Variants in ADAMTS2 observed in about 807,000 individuals in gnomAD.
ADAMTS2 encodes the protein ADAM metallopeptidase with thrombospondin type 1 motif 2, also known as A disintegrin and metalloproteinase with thrombospondin motifs 2.
In ADAMTS2, 50 loss-of-function variants were observed where a neutral mutation model predicts 123.0. The observed-to-expected ratio is 0.41, with a 90% CI of 0.32 to 0.51. The LOEUF (loss-of-function observed/expected upper bound fraction) is 0.51, where lower values mean the gene tolerates loss of function less well. ADAMTS2 is among the 20% of genes least tolerant of loss of function. The pLI, the probability that ADAMTS2 is intolerant of heterozygous loss-of-function variation, is 0.35. For synonymous variants in ADAMTS2, 678 were observed against 695.4 expected, an observed-to-expected ratio of 0.98 and a Z score of 0.39; for missense variants, 1,494 against 1,705.2, an observed-to-expected ratio of 0.88 and a Z score of 2.18.
intron 4 of ADAMTS2, among the ~76,000 whole-genome samples, chr5:179,183,534 C>T (rs1256922838): frequency 1.3e-5 from 2 of 152,232 alleles, no homozygotes; most frequent in Non-Finnish European, 2.9e-5. Flanking sequence ...GAGTGGCTTC[C>T]AGGGCCCAAC....
At chr5:179,196,378 G>A (rs191359630) in intron 4 of ADAMTS2, among the ~76,000 whole-genome samples, 37 of 152,278 alleles carry the variant, frequency 2.4e-4, no homozygotes, top group East Asian at 9.6e-4. Context: ...GCCTAGGAGC[G>A]TGTCTGCCCT....
At chr5:179,139,271 T>A (rs1763119591) in intron 11 of ADAMTS2, among the ~76,000 whole-genome samples, 1 of 150,522 alleles carries the variant, frequency 6.6e-6, no homozygotes, top group South Asian at 2.1e-4. Context: ...AGGGTGTGGA[T>A]GAGAAAGTGG....
intron 3 of ADAMTS2, among the ~76,000 whole-genome samples, chr5:179,251,805 C>T (rs577866427): frequency 5.9e-5 from 9 of 151,978 alleles, no homozygotes; most frequent in Non-Finnish European, 1.3e-4. Context: ...GCAGAAGCAG[C>T]TCTGGGAGGA....
At position 179,124,628 on chromosome 5, in the gene ADAMTS2, G is replaced by A. The variant is rs533470962; in HGVS notation, c.2958+345C>T. ...TGACCACGTGGCAGCCACTGGCGCC[G>A]TGAAACCCACAGGATGTGGCTCAGG... is the stretch of plus-strand genomic sequence containing the variant. On this transcript the variant is annotated intron_variant, in intron 19 of 21. Transcript: ENST00000251582. Among the ~76,000 whole-genome samples, 15 of 152,350 alleles carry A rather than the reference G, an allele frequency of 9.8e-5. No individual in the cohort carries two copies. In the South Asian group the frequency reaches 1.2e-3, roughly 13 times the overall value.
chr5:179,185,137 G>A lies in ADAMTS2; in HGVS notation c.892-3982C>T, dbSNP rs368923821. Among the ~76,000 whole-genome samples, 13 of 152,282 alleles carry A rather than the reference G, an allele frequency of 8.5e-5. No individual in the cohort carries two copies. The South Asian group carries it at 2.5e-3, about 29-fold the overall frequency. On this transcript the variant is annotated intron_variant, in intron 4 of 21. Coordinates refer to ENST00000251582, the MANE Select transcript of ADAMTS2 (RefSeq NM_014244.5). This position sits in a 1 kb window ranked among gnomAD's most constrained non-coding sequence, Gnocchi z 5.9. ...AGAGGAGGTGGGAGGGGAGCACTGA[G>A]GCCAGACCACGAAGTCAGGAGAAGG...
In ADAMTS2 at chr5:179,205,566, C is replaced by T. The variant is rs866153578; in HGVS notation, c.891+1947G>A. Among the ~76,000 whole-genome samples the T allele has an allele frequency of 1.2e-4, 19 of 152,272 alleles. No individual in the cohort carries two copies. The South Asian group carries it at 1.9e-3, about 15-fold the overall frequency. ...GTAATTCCAAGCCCAGTCCTTTCCCCGCTGGGTTGGAAGGCGACATAATGC... is the reference window on the plus strand; with the variant it reads ...GTAATTCCAAGCCCAGTCCTTTCCCTGCTGGGTTGGAAGGCGACATAATGC... On this transcript the variant is annotated intron_variant, in intron 4 of 21. Transcript: ENST00000251582.
chr5:179,239,774 C>T (rs575100917), intron 3 of ADAMTS2, among the ~76,000 whole-genome samples: 2 of 151,924 alleles, frequency 1.3e-5, no homozygotes, highest in African/African-American at 2.4e-5. Context: ...CCAGAGGGTG[C>T]GGGAAGAGGA....
At chr5:179,321,574 T>C (rs1178621783) in intron 2 of ADAMTS2, among the ~76,000 whole-genome samples, 2 of 152,180 alleles carry the variant, frequency 1.3e-5, no homozygotes, top group Non-Finnish European at 2.9e-5. Context: ...TGTCTGCACA[T>C]GGTGGGGGGC....
At chr5:179,123,946 C>T (rs568697653) in intron 19 of ADAMTS2, among the ~76,000 whole-genome samples, 8 of 152,338 alleles carry the variant, frequency 5.3e-5, no homozygotes, top group East Asian at 3.9e-4. Context: ...AAACCCTGGA[C>T]GCCCAGGCTC....
Position 179,307,211 on chromosome 5 carries a change from T to TGCTGTGCTCCGCCATCTGCCCC in ADAMTS2, c.535-34169_535-34148dup, listed in dbSNP as rs1482637491. Among the ~76,000 whole-genome samples the TGCTGTGCTCCGCCATCTGCCCC allele has an allele frequency of 5.3e-5, 8 of 152,310 alleles. No homozygotes were observed. The South Asian group carries it at 1.7e-3, about 32-fold the overall frequency. On this transcript the variant is annotated intron_variant, in intron 2 of 21. Coordinates refer to ENST00000251582, the MANE Select transcript of ADAMTS2 (RefSeq NM_014244.5). The surrounding 1 kb of genome is among the most constrained non-coding windows in gnomAD (Gnocchi z 5.6). Reference sequence around the variant, plus strand: ...TGCCCCGGCCCACGCGCCCCTGCCCTGCTGTGCTCCGCCATCTGCCCCAGC... The same window carrying TGCTGTGCTCCGCCATCTGCCCC: ...TGCCCCGGCCCACGCGCCCCTGCCCTGCTGTGCTCCGCCATCTGCCCCGCTGTGCTCCGCCATCTGCCCCAGC...
At chr5:179,301,032 G>T (rs1032878790) in intron 2 of ADAMTS2, among the ~76,000 whole-genome samples, 1 of 152,032 alleles carries the variant, frequency 6.6e-6, no homozygotes, top group Non-Finnish European at 1.5e-5. Flanking sequence ...CCCCCTCCTG[G>T]CCTCAGTGAA....
intron 2 of ADAMTS2, among the ~76,000 whole-genome samples, chr5:179,335,659 A>T (rs1344254633): frequency 6.6e-6 from 1 of 152,254 alleles, no homozygotes; most frequent in Non-Finnish European, 1.5e-5. Flanking sequence ...ATGTAAATAC[A>T]TACCAATATG....
intron 2 of ADAMTS2, among the ~76,000 whole-genome samples, chr5:179,296,276 C>A (rs1280176428): frequency 6.6e-6 from 1 of 151,962 alleles, no homozygotes; most frequent in Admixed American, 6.5e-5. Context: ...TGATGGGACC[C>A]GGGAGCAGCC....
chr5:179,334,708 C>T (rs1269503701), intron 2 of ADAMTS2, among the ~76,000 whole-genome samples: 2 of 152,082 alleles, frequency 1.3e-5, no homozygotes, highest in African/African-American at 4.8e-5. Context: ...CCAAGGGACT[C>T]CACAAAGATA....
intron 2 of ADAMTS2, among the ~76,000 whole-genome samples, chr5:179,324,335 G>A (rs1462743790): frequency 2.6e-5 from 4 of 151,828 alleles, no homozygotes; most frequent in Non-Finnish European, 5.9e-5. Flanking sequence ...AAATGTGTAA[G>A]GTATAATAAT....
At chr5:179,232,991 G>A (rs1765443572) in intron 3 of ADAMTS2, among the ~76,000 whole-genome samples, 1 of 152,180 alleles carries the variant, frequency 6.6e-6, no homozygotes, top group African/African-American at 2.4e-5. Flanking sequence ...ACGACCATGA[G>A]CATCTGTGTC....
At position 179,130,267 on chromosome 5, in the gene ADAMTS2, C is replaced by T. The variant is rs1762935106; in HGVS notation, c.2291-169G>A. Among the ~76,000 whole-genome samples, 1 of 152,166 alleles carries T rather than the reference C, an allele frequency of 6.6e-6. No homozygotes were observed. On this transcript the variant is annotated intron_variant, in intron 15 of 21. Transcript: ENST00000251582. The surrounding 1 kb of genome is among the most constrained non-coding windows in gnomAD (Gnocchi z 4.3). ...CGACAGCCCAGATGGCTCTGGGAGC[C>T]CTGCTTGCCCATCACTGCTCCCTCG...
chr5:179,233,589 G>C lies in ADAMTS2; in HGVS notation c.689-25874C>G, dbSNP rs186271714. Reference sequence around the variant, plus strand: ...GTAATCCCAGCTACTCGGGAGGCTGGAGGCAGGAGAATCGCTTGAACCCGG... The same window carrying C: ...GTAATCCCAGCTACTCGGGAGGCTGCAGGCAGGAGAATCGCTTGAACCCGG... On this transcript the variant is annotated intron_variant, in intron 3 of 21. Coordinates refer to ENST00000251582, the MANE Select transcript of ADAMTS2 (RefSeq NM_014244.5). Among the ~76,000 whole-genome samples the C allele has an allele frequency of 3.7e-3, 559 of 152,286 alleles. 1 individual carries two copies. The highest frequency in any genetic ancestry group is 6.3e-3 in the Non-Finnish European group (430 of 68,004).
At chr5:179,201,364 A>G (rs758869669) in intron 4 of ADAMTS2, among the ~76,000 whole-genome samples, 9 of 152,218 alleles carry the variant, frequency 5.9e-5, no homozygotes, top group Non-Finnish European at 1.3e-4. Context: ...TATAAATAAT[A>G]AGTTAGGTAA....
Sources: gnomAD v4.1 joint callset for allele counts (sites outside exome capture counted in the v4.1 genomes callset) on GRCh38, gnomAD v4.1.1 for gene constraint, Gnocchi (gnomAD v3.1) non-coding constraint, MANE v1.5 for transcripts, NCBI Gene and HGNC (gene_info 2026-07-23, HGNC 2026-07-21) for gene names.